The following DLC1 variants were observed in gnomAD, a reference collection of about 807,000 sequenced individuals.
DLC1 encodes the protein DLC1 Rho GTPase activating protein.
In DLC1, 54 loss-of-function variants were observed where a neutral mutation model predicts 140.3. The observed-to-expected ratio is 0.38, with a 90% CI of 0.31 to 0.48. The LOEUF is 0.48. DLC1 is among the 20% of genes least tolerant of loss of function. The pLI is 0.96. For missense variants in DLC1, 2,536 were observed against 1,907.0 expected, an observed-to-expected ratio of 1.33 and a Z score of -6.14; for synonymous variants, 986 against 728.1, an observed-to-expected ratio of 1.35 and a Z score of -5.70.
chr8:13,430,751 A>C (rs890153331), intron 2 of DLC1, among the ~76,000 whole-genome samples: 1 of 152,212 alleles, frequency 6.6e-6, no homozygotes, highest in African/African-American at 2.4e-5. Flanking sequence ...TCTTGGTTAA[A>C]ATTCTAAATC....
chr8:13,095,552 G>T, intron 10 of DLC1: 1 of 297,828 alleles, frequency 3.4e-6, no homozygotes. Flanking sequence ...GGGTTGACAG[G>T]TCCGTTTCCT....
intron 1 of DLC1, among the ~76,000 whole-genome samples, chr8:13,571,492 T>A (rs1804651347): frequency 6.6e-6 from 1 of 152,236 alleles, no homozygotes; most frequent in Non-Finnish European, 1.5e-5. Context: ...TGGCTTAGTG[T>A]CGAGGTTCAT....
intron 5 of DLC1, chr8:13,214,557 CTTTTTT>C: frequency 1.7e-5 from 10 of 580,032 alleles, no homozygotes; most frequent in East Asian, 3.1e-5. Context: ...CCAACCCCAC[CTTTTTT>C]TTTTTTTTTT....
At chr8:13,152,841 C>CAAAAAAAAAAAAA (rs1823934247) in intron 5 of DLC1, among the ~76,000 whole-genome samples, 3 of 39,832 alleles carry the variant, frequency 7.5e-5, no homozygotes, top group Non-Finnish European at 5.8e-5. Flanking sequence ...AAAAAAAAAG[C>CAAAAAAAAAAAAA]AACCAACCAT....
chr8:13,184,628 C>T (rs1826240269), intron 5 of DLC1, among the ~76,000 whole-genome samples: 1 of 152,140 alleles, frequency 6.6e-6, no homozygotes, highest in Non-Finnish European at 1.5e-5. Flanking sequence ...TTTTGTAATC[C>T]TGAGTTCTAA....
At chr8:13,451,051 A>AAAAAAAAAAAAAAAAAAG (rs1261080585) in intron 2 of DLC1, among the ~76,000 whole-genome samples, 1 of 147,196 alleles carries the variant, frequency 6.8e-6, no homozygotes, top group Non-Finnish European at 1.5e-5. Flanking sequence ...AAAAAAAAAA[A>AAAAAAAAAAAAAAAAAAG]AAAAAAAAAA....
At chr8:13,523,652 A>T (rs1352610713) in intron 1 of DLC1, among the ~76,000 whole-genome samples, 1 of 152,212 alleles carries the variant, frequency 6.6e-6, no homozygotes. Flanking sequence ...GATTTAAGAA[A>T]GCAGAGGTCA....
intron 5 of DLC1, among the ~76,000 whole-genome samples, chr8:13,236,936 C>G (rs1192710808): frequency 6.6e-6 from 1 of 151,924 alleles, no homozygotes. Context: ...AACTTGGTGT[C>G]TCTAAAATAA....
intron 2 of DLC1, among the ~76,000 whole-genome samples, chr8:13,450,597 T>C (rs554919878): frequency 1.1e-3 from 161 of 152,318 alleles, no homozygotes; most frequent in African/African-American, 3.7e-3. Context: ...TTGTATTCTT[T>C]ATTTTCTCAA....
rs200539632 is a variant in DLC1 at position 13,443,682 on chromosome 8, GA to G, written c.1024-42064del. Among the ~76,000 whole-genome samples, 469 of 146,060 alleles carry G rather than the reference GA, an allele frequency of 3.2e-3. 12 individuals carry two copies. In the South Asian group the frequency reaches 0.061, roughly 19 times the overall value. On this transcript the variant is annotated intron_variant, in intron 2 of 17. Transcript: ENST00000276297. ...CAAAAAAAAAAAAAAAAAAGAAAAA[GA>G]AAAAAACAGAAAGAAAAATAATTAG...
intron 5 of DLC1, among the ~76,000 whole-genome samples, chr8:13,134,583 T>C (rs1476554554): frequency 6.6e-6 from 1 of 152,198 alleles, no homozygotes; most frequent in Non-Finnish European, 1.5e-5. Flanking sequence ...TTAATTATAG[T>C]TTAAAACTTA....
At chr8:13,300,125 C>T (rs1232420671) in intron 5 of DLC1, among the ~76,000 whole-genome samples, 1 of 152,186 alleles carries the variant, frequency 6.6e-6, no homozygotes, top group Non-Finnish European at 1.5e-5. Context: ...AGATCACGTT[C>T]TTTGCAGGGA....
At chr8:13,170,657 G>C (rs1563133681) in intron 5 of DLC1, among the ~76,000 whole-genome samples, 1 of 151,018 alleles carries the variant, frequency 6.6e-6, no homozygotes, top group Non-Finnish European at 1.5e-5. Context: ...GTGAACCCGG[G>C]AGGCGGAGCT....
intron 5 of DLC1, among the ~76,000 whole-genome samples, chr8:13,177,700 T>A (rs917296424): frequency 6.6e-6 from 1 of 152,208 alleles, no homozygotes; most frequent in East Asian, 1.9e-4. Context: ...TTTTTGCTTT[T>A]TTATATTTCA....
chr8:13,177,930 A>G lies in DLC1; in HGVS notation c.1349-62273T>C, dbSNP rs1243069903. ...GGAAATTTGTGTTAGACCCCAAAAAAAAGGGGACTTGACACTTAAACTAAG... is the reference window on the plus strand; with the variant it reads ...GGAAATTTGTGTTAGACCCCAAAAAGAAGGGGACTTGACACTTAAACTAAG... On this transcript the variant is annotated intron_variant, in intron 5 of 17. Transcript: ENST00000276297. Among the ~76,000 whole-genome samples, 5 of 152,306 alleles carry G rather than the reference A, an allele frequency of 3.3e-5. No individual in the cohort carries two copies. The East Asian group carries it at 9.6e-4, about 29-fold the overall frequency.
At position 13,525,256 on chromosome 8, in the gene DLC1, C is replaced by T. The variant is rs116344442; in HGVS notation, c.-125-25060G>A. On this transcript the variant is annotated intron_variant, in intron 1 of 1. Coordinates refer to the DLC1 transcript ENST00000631382. ...TGGTGATGGACATTTGGGGCAGTAA[C>T]ATTGGGATATTGTTATTTGGCCATT... Among the ~76,000 whole-genome samples, 1,282 of 152,258 alleles carry T rather than the reference C, an allele frequency of 8.4e-3. 25 individuals carry two copies. The highest frequency in any genetic ancestry group is 0.03 in the African/African-American group (1,232 of 41,538).
intron 5 of DLC1, among the ~76,000 whole-genome samples, chr8:13,147,011 G>A (rs1023447680): frequency 4.6e-5 from 7 of 152,104 alleles, no homozygotes; most frequent in Non-Finnish European, 7.3e-5. Flanking sequence ...TCTCTAAACC[G>A]TGTTGAAAAT....
intron 5 of DLC1, among the ~76,000 whole-genome samples, chr8:13,298,946 AT>A (rs1450788444): frequency 1.3e-5 from 2 of 152,120 alleles, no homozygotes; most frequent in Non-Finnish European, 2.9e-5. Context: ...GCCTGACAAA[AT>A]TTGTGAAGTG....
chr8:13,342,106 C>G (rs908368943), intron 4 of DLC1: 3 of 152,174 alleles, frequency 2.0e-5, no homozygotes, highest in Non-Finnish European at 4.4e-5. Context: ...TATTTCTGAT[C>G]TTGAAGAATC....
Sources: gnomAD v4.1 joint callset for allele counts (sites outside exome capture counted in the v4.1 genomes callset) on GRCh38, gnomAD v4.1.1 for gene constraint, MANE v1.5 for transcripts, NCBI Gene and HGNC (gene_info 2026-07-23, HGNC 2026-07-21) for gene names.